The following TMEM200A variants were observed in gnomAD, a reference collection of about 807,000 sequenced individuals.
TMEM200A encodes transmembrane protein 200A, also known as two transmembrane C.
A neutral mutation model predicts 24.3 loss-of-function variants in TMEM200A; 12 were observed. That is an observed-to-expected ratio of 0.49 (90% CI 0.32 to 0.80). TMEM200A has a LOEUF of 0.80. Among genes scored for constraint, TMEM200A ranks in the 30% least tolerant of loss-of-function variants. The pLI, the probability that TMEM200A is intolerant of heterozygous loss-of-function variation, is 0.04. For synonymous variants in TMEM200A, 224 were observed against 224.4 expected, an observed-to-expected ratio of 1.00 and a Z score of 0.02; for missense variants, 545 against 614.4, an observed-to-expected ratio of 0.89 and a Z score of 1.19.
chr6:130,379,986 G>A (rs562618764), intron 1 of TMEM200A, among the ~76,000 whole-genome samples: 1 of 152,172 alleles, frequency 6.6e-6, no homozygotes, highest in South Asian at 2.1e-4. Flanking sequence ...TGAAAGCTAC[G>A]TGATATTAGC....
chr6:130,405,652 C>G (rs1443845841), intron 2 of TMEM200A, among the ~76,000 whole-genome samples: 3 of 152,156 alleles, frequency 2.0e-5, no homozygotes, highest in African/African-American at 7.2e-5. Flanking sequence ...TGGAGAAAAT[C>G]GTGCAATTTA....
At chr6:130,384,354 C>T (rs1329629775) in intron 1 of TMEM200A, among the ~76,000 whole-genome samples, 1 of 152,078 alleles carries the variant, frequency 6.6e-6, no homozygotes, top group Non-Finnish European at 1.5e-5. Context: ...AAGGTTTGCC[C>T]AGGCCAGAAA....
chr6:130,379,942 T>C (rs1778556131), intron 1 of TMEM200A, among the ~76,000 whole-genome samples: 1 of 152,094 alleles, frequency 6.6e-6, no homozygotes, highest in African/African-American at 2.4e-5. Flanking sequence ...GCAGCCCTAG[T>C]AGGAGGAGAA....
chr6:130,375,848 T>C (rs1778444748), intron 1 of TMEM200A, among the ~76,000 whole-genome samples: 1 of 152,208 alleles, frequency 6.6e-6, no homozygotes, highest in Admixed American at 6.5e-5. Flanking sequence ...AATGATGATA[T>C]TGGTATTGGG....
At chr6:130,424,664 T>C (rs116878747) in intron 2 of TMEM200A, among the ~76,000 whole-genome samples, 2,777 of 152,244 alleles carry the variant, frequency 0.018, 23 homozygotes, top group Non-Finnish European at 0.027. Flanking sequence ...TTTTAAGCAG[T>C]AGATAGTCCC....
intron 2 of TMEM200A, among the ~76,000 whole-genome samples, chr6:130,410,848 G>A (rs903127812): frequency 6.6e-6 from 1 of 152,142 alleles, no homozygotes; most frequent in Non-Finnish European, 1.5e-5. Context: ...GCTATTGTAG[G>A]GAGACTGCAA....
intron 2 of TMEM200A, among the ~76,000 whole-genome samples, chr6:130,426,936 G>GTT (rs1437864898): frequency 1.3e-5 from 2 of 152,134 alleles, no homozygotes; most frequent in East Asian, 3.9e-4. Flanking sequence ...GGGTAGAATT[G>GTT]TTTTCAGTGT....
intron 1 of TMEM200A, among the ~76,000 whole-genome samples, chr6:130,368,393 TA>T (rs1472882812): frequency 6.6e-6 from 1 of 152,074 alleles, no homozygotes; most frequent in Non-Finnish European, 1.5e-5. Flanking sequence ...TAGTAGAGGA[TA>T]AAAAATAAGC....
intron 2 of TMEM200A, among the ~76,000 whole-genome samples, chr6:130,421,749 G>A (rs1779597344): frequency 6.6e-6 from 1 of 151,930 alleles, no homozygotes; most frequent in Admixed American, 6.6e-5. Flanking sequence ...CTATGAACTT[G>A]ATGTTTTTAG....
At chr6:130,408,070 A>G (rs770952557) in intron 2 of TMEM200A, among the ~76,000 whole-genome samples, 14 of 152,214 alleles carry the variant, frequency 9.2e-5, no homozygotes, top group Non-Finnish European at 2.1e-4. Flanking sequence ...AGTTTGGAGC[A>G]GTCTGGAGGC....
chr6:130,392,070 A>G (rs55800134), intron 2 of TMEM200A, among the ~76,000 whole-genome samples: 16,666 of 152,074 alleles, frequency 0.11, 2,475 homozygotes, highest in African/African-American at 0.34. Context: ...GGAATGGTGT[A>G]GGGGTTCTGG....
Position 130,366,602 on chromosome 6 carries a change from C to CA in TMEM200A, c.-81+79dup, listed in dbSNP as rs1312316283. The CA allele has an allele frequency of 1.3e-4, 128 of 981,844 alleles. No homozygotes were observed. Among genetic ancestry groups the CA allele is most frequent in the Non-Finnish European group, 1.4e-4 (115 of 826,708 alleles). 60.8% of individuals were successfully genotyped at this position (981,844 alleles called of 1,614,324 possible). On this transcript the variant is annotated intron_variant, in intron 1 of 2. Transcript: ENST00000296978. This position sits in a 1 kb window ranked among gnomAD's most constrained non-coding sequence, Gnocchi z 4.4. ...CCGCAGCCGAAACCGGGCACTTCTT[C>CA]AGCCCTCTGCCCTCCCCTCCCCTCC...
intron 2 of TMEM200A, among the ~76,000 whole-genome samples, chr6:130,397,508 C>T (rs1208342578): frequency 6.6e-6 from 1 of 151,910 alleles, no homozygotes; most frequent in African/African-American, 2.4e-5. Context: ...TAATGTTTTT[C>T]CCCCTCTTTG....
intron 2 of TMEM200A, among the ~76,000 whole-genome samples, chr6:130,419,065 C>G (rs1583215184): frequency 1.3e-5 from 2 of 152,128 alleles, no homozygotes; most frequent in Admixed American, 6.6e-5. Context: ...CTACATACCA[C>G]CACTCCCCCT....
intron 2 of TMEM200A, chr6:130,421,352 T>C (rs1779580312): frequency 6.6e-6 from 1 of 152,220 alleles, no homozygotes; most frequent in African/African-American, 2.4e-5. Context: ...TGTTAGTTTA[T>C]TCTCAGGTAC....
chr6:130,406,217 ATATACT>A (rs1290412582), intron 2 of TMEM200A, among the ~76,000 whole-genome samples: 1 of 152,170 alleles, frequency 6.6e-6, no homozygotes, highest in Non-Finnish European at 1.5e-5. Flanking sequence ...AATATATAGA[ATATACT>A]ACATGCACAA....
At chr6:130,377,436 A>T (rs570028842) in intron 1 of TMEM200A, among the ~76,000 whole-genome samples, 4 of 152,138 alleles carry the variant, frequency 2.6e-5, no homozygotes, top group Admixed American at 2.6e-4. Context: ...AACTGCCAGA[A>T]TCTCATCTGT....
In TMEM200A at chr6:130,413,157, A is replaced by C. The variant is rs147819277; in HGVS notation, c.-16-27250A>C. The stretch of plus-strand genomic sequence containing the variant: ...AGAACAAAAGTGTAAGGTTGCTCTC[A>C]TTCTACACATGGAATCTATACTGAT... On this transcript the variant is annotated intron_variant, in intron 2 of 2. Coordinates refer to ENST00000296978, the MANE Select transcript of TMEM200A (RefSeq NM_001258277.2). Among the ~76,000 whole-genome samples the C allele has an allele frequency of 8.2e-3, 1,243 of 152,296 alleles. 21 individuals are homozygous for C. The highest frequency in any genetic ancestry group is 0.028 in the African/African-American group (1,182 of 41,564).
intron 2 of TMEM200A, among the ~76,000 whole-genome samples, chr6:130,430,337 T>C (rs1779846194): frequency 6.6e-6 from 1 of 152,070 alleles, no homozygotes; most frequent in Admixed American, 6.6e-5. Flanking sequence ...TACCACCACC[T>C]TGGGGGCTAG....
Sources: allele counts gnomAD v4.1 joint callset (sites outside exome capture counted in the v4.1 genomes callset), GRCh38; gene constraint gnomAD v4.1.1; non-coding constraint Gnocchi (gnomAD v3.1); transcripts MANE v1.5; gene names NCBI Gene and HGNC (gene_info 2026-07-23, HGNC 2026-07-21).